PTPRM: variants seen among roughly 807,000 people sequenced by gnomAD.
The protein encoded by PTPRM is receptor-type tyrosine-protein phosphatase mu.
PTPRM carries 47 observed loss-of-function variants against 186.7 expected under a neutral mutation model. The observed-to-expected ratio is 0.25, with a 90% CI of 0.20 to 0.32. The LOEUF is 0.32. Among genes scored for constraint, PTPRM ranks in the 10% least tolerant of loss-of-function variants. The pLI is 1.00. For missense variants in PTPRM, 1,494 were observed against 1,865.0 expected (o/e 0.80, Z 3.66); for synonymous variants, 668 against 674.9 (o/e 0.99, Z 0.16).
intron 31 of PTPRM, among the ~76,000 whole-genome samples, chr18:8,393,757 T>G (rs940131432): frequency 1.3e-5 from 2 of 149,660 alleles, no homozygotes; most frequent in Non-Finnish European, 3.0e-5. Context: ...GTTTTATAGA[T>G]AAATAATGAA....
At chr18:7,828,133 G>A (rs764062587) in intron 2 of PTPRM, among the ~76,000 whole-genome samples, 3 of 152,176 alleles carry the variant, frequency 2.0e-5, no homozygotes, top group African/African-American at 7.2e-5. Context: ...CTCATAATTA[G>A]TAAAGTCAAA....
intron 13 of PTPRM, among the ~76,000 whole-genome samples, chr18:8,126,018 TATATATATA>T (rs1316073912): frequency 6.4e-5 from 2 of 31,052 alleles, no homozygotes; most frequent in African/African-American, 8.0e-5. Flanking sequence ...TATATATATA[TATATATATA>T]TTTTAAATCA....
At chr18:8,088,927 T>C in intron 11 of PTPRM, 76 bp downstream of exon 11, 1 of 1,146,420 alleles carries the variant, frequency 8.7e-7, no homozygotes, top group Non-Finnish European at 1.3e-6. Context: ...CAATGTGTTT[T>C]CTAGGGATTT....
chr18:7,647,171 G>A (rs2038585723), intron 1 of PTPRM, among the ~76,000 whole-genome samples: 1 of 152,072 alleles, frequency 6.6e-6, no homozygotes, highest in African/African-American at 2.4e-5. Context: ...TGCACACTGA[G>A]GGTAAACTCT....
intron 19 of PTPRM, among the ~76,000 whole-genome samples, chr18:8,288,088 G>A (rs2094977338): frequency 6.6e-6 from 1 of 152,232 alleles, no homozygotes; most frequent in Non-Finnish European, 1.5e-5. Flanking sequence ...CAAGTTTTAT[G>A]TAATAAATCT....
intron 20 of PTPRM, among the ~76,000 whole-genome samples, chr18:8,309,308 C>T (rs1398987830): frequency 6.6e-6 from 1 of 152,174 alleles, no homozygotes; most frequent in Non-Finnish European, 1.5e-5. Context: ...TCCACATCCT[C>T]ACCTGAACTT....
At chr18:8,345,979 G>C (rs1001581064) in intron 23 of PTPRM, among the ~76,000 whole-genome samples, 2 of 152,312 alleles carry the variant, frequency 1.3e-5, no homozygotes, top group South Asian at 2.1e-4. Context: ...ACCAGACAAG[G>C]GGGGAGGTAC....
chr18:7,943,306 G>T (rs929275684), intron 5 of PTPRM, among the ~76,000 whole-genome samples: 2 of 151,990 alleles, frequency 1.3e-5, no homozygotes, highest in Admixed American at 6.6e-5. Context: ...TGCCTTCCTG[G>T]TCTGGCCTCT....
At chr18:7,943,304 T>G (rs1344118964) in intron 5 of PTPRM, among the ~76,000 whole-genome samples, 1 of 152,204 alleles carries the variant, frequency 6.6e-6, no homozygotes, top group Non-Finnish European at 1.5e-5. Flanking sequence ...CATGCCTTCC[T>G]GGTCTGGCCT....
At chr18:7,624,661 G>C (rs1672286772) in intron 1 of PTPRM, among the ~76,000 whole-genome samples, 2 of 152,160 alleles carry the variant, frequency 1.3e-5, no homozygotes, top group African/African-American at 2.4e-5. Context: ...TTTCTGGGTA[G>C]AGATGGGGTT....
At chr18:8,021,513 T>C (rs1002701683) in intron 7 of PTPRM, among the ~76,000 whole-genome samples, 4 of 151,734 alleles carry the variant, frequency 2.6e-5, no homozygotes, top group African/African-American at 9.7e-5. Flanking sequence ...AAGCTCTCCC[T>C]CCTCTTGCCC....
At chr18:7,577,777 T>G (rs1478913517) in intron 1 of PTPRM, among the ~76,000 whole-genome samples, 1 of 152,206 alleles carries the variant, frequency 6.6e-6, no homozygotes, top group Non-Finnish European at 1.5e-5. Context: ...TCTGTGTGTG[T>G]GTGTGTGAGG....
intron 1 of PTPRM, among the ~76,000 whole-genome samples, chr18:7,576,633 G>T (rs142076917): frequency 1.8e-3 from 270 of 152,200 alleles, no homozygotes; most frequent in African/African-American, 6.3e-3. Flanking sequence ...AAGCCACCAT[G>T]CACGGCTAAT....
At chr18:7,815,518 G>T (rs2044765279) in intron 2 of PTPRM, 1 of 152,148 alleles carries the variant, frequency 6.6e-6, no homozygotes, top group Non-Finnish European at 1.5e-5. Context: ...CTACTACACA[G>T]TTAGAAATAA....
At chr18:8,317,286 G>A (rs2095315343) in intron 21 of PTPRM, among the ~76,000 whole-genome samples, 1 of 152,104 alleles carries the variant, frequency 6.6e-6, no homozygotes, top group South Asian at 2.1e-4. Flanking sequence ...TGGCTACGGG[G>A]TTCAGGAGGG....
intron 11 of PTPRM, among the ~76,000 whole-genome samples, chr18:8,111,904 C>T (rs1230877951): frequency 6.6e-6 from 1 of 151,764 alleles, no homozygotes; most frequent in East Asian, 1.9e-4. Context: ...AATGGTCACG[C>T]TTCCTTAGGC....
chr18:8,090,022 T>C (rs1217471898), intron 11 of PTPRM, among the ~76,000 whole-genome samples: 3 of 152,202 alleles, frequency 2.0e-5, no homozygotes, highest in Non-Finnish European at 4.4e-5. Context: ...TTTGTGAGAA[T>C]ACTATGAAAT....
In PTPRM at chr18:8,384,566, T is replaced by C; in HGVS notation, c.3924T>C (p.Cys1308=). The change falls in exon 30 of 33, where the codon TGT becomes TGC. Residue 1308 remains cysteine (C), a synonymous_variant. Transcript: ENST00000580170. ...MLNDVDPAQL[C]PQYWPENGVH... is the part of the protein sequence containing the mutation. ...TTTATATGTTTTGAATTCAGTTGTG[T>C]CCACAGTACTGGCCAGAAAACGGAG... 1 of 1,614,156 alleles carries C rather than the reference T, an allele frequency of 6.2e-7. No homozygotes were observed. Among genetic ancestry groups the C allele is most frequent in the Non-Finnish European group, 8.5e-7 (1 of 1,180,026 alleles).
intron 13 of PTPRM, among the ~76,000 whole-genome samples, chr18:8,141,661 AG>A (rs2092769658): frequency 6.6e-6 from 1 of 152,194 alleles, no homozygotes. Flanking sequence ...TTTTTTCCCA[AG>A]TGTTGCATTT....
Sources: allele counts gnomAD v4.1 joint callset (sites outside exome capture counted in the v4.1 genomes callset), GRCh38; gene constraint gnomAD v4.1.1; transcripts MANE v1.5; gene names NCBI Gene and HGNC (gene_info 2026-07-23, HGNC 2026-07-21).